Variants in SPTBN2 observed in about 807,000 individuals in gnomAD.
SPTBN2 encodes the protein spectrin beta, non-erythrocytic 2.
A neutral mutation model predicts 284.2 loss-of-function variants in SPTBN2; 107 were observed. The ratio of observed to expected loss-of-function variants is 0.38; its 90% CI spans 0.32 to 0.44. The LOEUF (loss-of-function observed/expected upper bound fraction) is 0.44. SPTBN2 is among the 20% of genes least tolerant of loss of function. SPTBN2 has a pLI of 1.00. For synonymous variants in SPTBN2, 1,289 were observed against 1,354.8 expected (o/e 0.95, Z 1.07); for missense variants, 2,569 against 3,287.1 (o/e 0.78, Z 5.34).
At position 66,705,480 on chromosome 11, in the gene SPTBN2, A is replaced by T; in HGVS notation, c.1808-12T>A. The stretch of plus-strand genomic sequence containing the variant: ...GCAAGGTCTATACTCTGAGAAAGTC[A>T]CAGGAGAGGGTCAGAGCCTTAACCC... On this transcript the variant is annotated splice_polypyrimidine_tract_variant and intron_variant, in intron 14 of 37. Coordinates refer to ENST00000533211, the MANE Select transcript of SPTBN2 (RefSeq NM_006946.4). 6.2e-7 allele frequency: 1 copy of T among 1,612,938 alleles called. No individual in the cohort carries two copies. Among genetic ancestry groups the T allele is most frequent in the South Asian group, 1.1e-5 (1 of 91,084 alleles).
chr11:66,738,493 A>T (rs116414495), intron 1 of SPTBN2, among the ~76,000 whole-genome samples: 1,646 of 152,284 alleles, frequency 0.011, 35 homozygotes, highest in African/African-American at 0.037. Context: ...GAACAGATGA[A>T]AATCAAATTG....
intron 27 of SPTBN2, among the ~76,000 whole-genome samples, chr11:66,690,521 G>A (rs1391481548): frequency 2.6e-5 from 4 of 152,168 alleles, no homozygotes; most frequent in African/African-American, 7.2e-5. Context: ...AGAGCCATTG[G>A]CCAGTTGAAC....
intron 15 of SPTBN2, among the ~76,000 whole-genome samples, chr11:66,703,644 G>GGA (rs956587704): frequency 3.9e-5 from 6 of 151,938 alleles, no homozygotes; most frequent in African/African-American, 1.5e-4. Flanking sequence ...GGCTGAGGCA[G>GGA]GAGAATCGCT....
At chr11:66,728,304 G>C (rs1340727932) in intron 1 of SPTBN2, 1 of 145,684 alleles carries the variant, frequency 6.9e-6, no homozygotes, top group Non-Finnish European at 1.5e-5. Flanking sequence ...GCTGTCACGG[G>C]GCGCAGGCGG....
chr11:66,687,316 C>G lies in SPTBN2; in HGVS notation c.6722+111G>C. 6.4e-7 allele frequency: 1 copy of G among 1,551,558 alleles called. No individual in the cohort carries two copies. Among genetic ancestry groups the G allele is most frequent in the Non-Finnish European group, 8.8e-7 (1 of 1,139,036 alleles). ...CCTCCCCTGAGGCCCCGCTCTGGTC[C>G]CAAGTCCTACCCTTTGCCCAGAAGA... On this transcript the variant is annotated intron_variant, in intron 35 of 37. Transcript: ENST00000533211. This position sits in a 1 kb window ranked among gnomAD's most constrained non-coding sequence, Gnocchi z 5.2.
At chr11:66,734,861 T>C (rs1457739820) in intron 1 of SPTBN2, among the ~76,000 whole-genome samples, 1 of 152,214 alleles carries the variant, frequency 6.6e-6, no homozygotes, top group African/African-American at 2.4e-5. Context: ...TATCAAATGA[T>C]GTATTTCCCA....
chr11:66,730,188 T>C (rs186115430), upstream of SPTBN2, among the ~76,000 whole-genome samples: 3 of 151,946 alleles, frequency 2.0e-5, no homozygotes, highest in African/African-American at 4.8e-5. Context: ...TTCCCAGAGG[T>C]AGGATTATGT....
rs1414342478 is a variant in SPTBN2 at position 66,707,531 on chromosome 11, C to G, written c.1638G>C (p.Trp546Cys). ...VFQDLLYLMDWMEEMKGRLQS... is the reference protein window; with the variant it reads ...VFQDLLYLMDCMEEMKGRLQS... ...TCACTGGTACCTTCATCTCTTCCAT[C>G]CAGTCCATGAGGTAGAGCAGGTCCT... The change falls in exon 13 of 38, where the codon TGG (tryptophan) becomes TGC (cysteine). Residue 546 changes from tryptophan to cysteine, a missense_variant. Transcript: ENST00000533211. The surrounding 1 kb of genome is among the most constrained non-coding windows in gnomAD (Gnocchi z 4.9). 10 of 1,606,830 alleles carry G rather than the reference C, an allele frequency of 6.2e-6. No homozygotes were observed. The highest frequency in any genetic ancestry group is 8.5e-6 in the Non-Finnish European group (10 of 1,177,222).
In SPTBN2 at chr11:66,705,674, G is replaced by C; in HGVS notation, c.1807+10C>G. 4 of 1,610,780 alleles carry C rather than the reference G, an allele frequency of 2.5e-6. No homozygotes were observed. The highest frequency in any genetic ancestry group is 3.4e-6 in the Non-Finnish European group (4 of 1,179,976). On this transcript the variant is annotated intron_variant, in intron 14 of 37. Transcript: ENST00000533211. Reference sequence around the variant, plus strand: ...CCCCTCCCTCTCCAGTGCCTTCGCTGACTTCTCACCTTTCCCTGGGTTGCA... The same window carrying C: ...CCCCTCCCTCTCCAGTGCCTTCGCTCACTTCTCACCTTTCCCTGGGTTGCA...
intron 26 of SPTBN2, 130 bp downstream of exon 26, chr11:66,692,406 A>G (rs1476588660): frequency 4.7e-6 from 5 of 1,065,604 alleles, no homozygotes; most frequent in Non-Finnish European, 7.0e-6. Flanking sequence ...AACCAGGAGG[A>G]CAGTGCCTGC....
At position 66,708,149 on chromosome 11, in the gene SPTBN2, C is replaced by T. The variant is rs1171496265; in HGVS notation, c.1342G>A (p.Val448Met). ...ETWLSENQRL[V>M]SQDNFGLELA... ...GGAGCCTCAAGTCCTACCTGGGACA[C>T]GAGGCGCTGGTTCTCGCTGAGCCAG... Residue 448 changes from valine (V) to methionine (M), a missense_variant, in exon 12 of 38, where the codon GTG (valine) becomes ATG (methionine). By Grantham distance (21) the Val-to-Met change is conservative. Transcript: ENST00000533211. The surrounding 1 kb of genome is among the most constrained non-coding windows in gnomAD (Gnocchi z 4.4). The T allele has an allele frequency of 6.8e-6, 11 of 1,613,050 alleles. No individual in the cohort carries two copies. Among genetic ancestry groups the T allele is most frequent in the African/African-American group, 2.7e-5 (2 of 74,928 alleles).
rs552137565 is a variant in SPTBN2 at position 66,707,925 on chromosome 11, T to C, written c.1351-107A>G. On this transcript the variant is annotated intron_variant, in intron 12 of 37. Transcript: ENST00000533211. The surrounding 1 kb of genome is among the most constrained non-coding windows in gnomAD (Gnocchi z 4.9). ...CCTGCAAGATCCCAGCTCCATGCGG[T>C]GGCTCTAAGTTCCCTCTCTATCCCA... is the stretch of plus-strand genomic sequence containing the variant. 14 of 1,460,632 alleles carry C rather than the reference T, an allele frequency of 9.6e-6. No homozygotes were observed. In the East Asian group the frequency reaches 2.8e-4, roughly 29 times the overall value. 90.5% of individuals were successfully genotyped at this position (1,460,632 alleles called of 1,614,324 possible).
intron 25 of SPTBN2, 34 bp downstream of exon 25, chr11:66,692,936 C>A: frequency 6.3e-7 from 1 of 1,599,598 alleles, no homozygotes; most frequent in South Asian, 1.1e-5. Context: ...GCCGGCTCCA[C>A]CCCCAGGCTG....
At chr11:66,686,333 G>A (rs1644674872) in intron 37 of SPTBN2, 65 bp downstream of exon 37, 2 of 1,593,116 alleles carry the variant, frequency 1.3e-6, no homozygotes, top group Non-Finnish European at 8.6e-7. Context: ...AGGGAAAGAA[G>A]GGGAGTCTGC....
Position 66,691,073 on chromosome 11 carries a change from T to TC in SPTBN2, c.5565+210dup, listed in dbSNP as rs1425466569. ...CTCAGATGATCCGCCCTCCTCGGCCTCCCAAAGTGCTGGGATTACAGGCGA... is the reference window on the plus strand; with the variant it reads ...CTCAGATGATCCGCCCTCCTCGGCCTCCCCAAAGTGCTGGGATTACAGGCGA... On this transcript the variant is annotated intron_variant, in intron 27 of 37. Transcript: ENST00000533211. This position sits in a 1 kb window ranked among gnomAD's most constrained non-coding sequence, Gnocchi z 8.0. Among the ~76,000 whole-genome samples, 1 of 152,186 alleles carries TC rather than the reference T, an allele frequency of 6.6e-6. No homozygotes were observed. Among genetic ancestry groups the TC allele is most frequent in the Non-Finnish European group, 1.5e-5 (1 of 68,034 alleles).
At position 66,689,875 on chromosome 11, in the gene SPTBN2, G is replaced by C. The variant is rs369781111; in HGVS notation, c.5879C>G (p.Ala1960Gly). 5.0e-6 allele frequency: 8 copies of C among 1,614,142 alleles called. No homozygotes were observed. The highest frequency in any genetic ancestry group is 6.8e-6 in the Non-Finnish European group (8 of 1,180,028). The change falls in exon 29 of 38, where the codon GCA becomes GGA. Residue 1960 changes from alanine (A) to glycine (G), a missense_variant. Physicochemically the swap from Ala to Gly is moderately conservative, Grantham distance 60. Transcript: ENST00000533211. ...GTCGATGCAGGAGGAGAAGCGGTCT[G>C]CCCGGGCCTCTATCTCTGCCTTGAT... Reference protein sequence around the residue: ...QGIKAEIEARADRFSSCIDMG... With the variant: ...QGIKAEIEARGDRFSSCIDMG...
At chr11:66,689,280 TTTC>T (rs1191512402) in intron 29 of SPTBN2, 100 bp from the exon 30 acceptor site, 25 of 1,313,846 alleles carry the variant, frequency 1.9e-5, no homozygotes, top group Non-Finnish European at 2.4e-5. Flanking sequence ...TCTTTCTTTC[TTTC>T]TTTTTTTTGA....
In SPTBN2 at chr11:66,721,279, G is replaced by A. The variant is rs1942390900; in HGVS notation, c.-22-17C>T. 6.2e-7 allele frequency: 1 copy of A among 1,613,762 alleles called. No individual in the cohort carries two copies. The highest frequency in any genetic ancestry group is 2.2e-5 in the East Asian group (1 of 44,864). Reference sequence around the variant, plus strand: ...TTCCTGCTCCTGCAAGGAGAATGTGGCCAGTGAGGGGTGTCCAGGGACCAC... The same window carrying A: ...TTCCTGCTCCTGCAAGGAGAATGTGACCAGTGAGGGGTGTCCAGGGACCAC... On this transcript the variant is annotated splice_polypyrimidine_tract_variant and intron_variant, in intron 2 of 37. Transcript: ENST00000533211.
chr11:66,741,943 C>T (rs1942898489), intron 1 of SPTBN2, among the ~76,000 whole-genome samples: 1 of 152,076 alleles, frequency 6.6e-6, no homozygotes, highest in South Asian at 2.1e-4. Flanking sequence ...ACCTCAACCT[C>T]CCAAGTAGTT....
Sources: gnomAD v4.1 joint callset for allele counts (sites outside exome capture counted in the v4.1 genomes callset) on GRCh38, gnomAD v4.1.1 for gene constraint, Gnocchi (gnomAD v3.1) non-coding constraint, MANE v1.5 for transcripts, NCBI Gene and HGNC (gene_info 2026-07-23, HGNC 2026-07-21) for gene names.